The following ATP10B variants were observed in gnomAD, a reference collection of about 807,000 sequenced individuals.
ATP10B encodes the protein phospholipid-transporting ATPase VB.
In ATP10B, 122 loss-of-function variants were observed where a neutral mutation model predicts 141.2. The observed-to-expected ratio is 0.86, with a 90% CI of 0.75 to 1.00. The LOEUF is 1.00. Among genes scored for constraint, ATP10B ranks in the 50% least tolerant of loss-of-function variants. The pLI is 0.00. For missense variants in ATP10B, 1,876 were observed against 1,825.3 expected (o/e 1.03, Z -0.51); for synonymous variants, 685 against 692.0 (o/e 0.99, Z 0.16).
chr5:160,571,169 ATTTC>A (rs1050093150), intron 24 of ATP10B, among the ~76,000 whole-genome samples: 3 of 152,004 alleles, frequency 2.0e-5, no homozygotes, highest in Non-Finnish European at 4.4e-5. Flanking sequence ...TCCCTCTCTC[ATTTC>A]TTTCTGAGAC....
At chr5:160,879,531 TA>T in the ATP10B span, among the ~76,000 whole-genome samples, 2 of 124,276 alleles carry the variant, frequency 1.6e-5, no homozygotes, top group Non-Finnish European at 3.5e-5. Context: ...AAACTTAAAG[TA>T]AAATTAAAAA....
chr5:160,776,458 G>T (rs369743364), intron 2 of ATP10B, among the ~76,000 whole-genome samples: 3 of 152,180 alleles, frequency 2.0e-5, no homozygotes, highest in Non-Finnish European at 2.9e-5. Context: ...GGGCTACATT[G>T]TCTGATTTTT....
Position 160,766,043 on chromosome 5 carries a change from A to T in ATP10B, c.-331+19516T>A, listed in dbSNP as rs118167672. Among the ~76,000 whole-genome samples, 42 of 152,296 alleles carry T rather than the reference A, an allele frequency of 2.8e-4. No individual in the cohort carries two copies. The East Asian group carries it at 5.2e-3, about 19-fold the overall frequency. ...CCGGAAAGAATAGCCATCATTTAAA[A>T]ATAAAAAAAATAGATGTTGGCGTGG... On this transcript the variant is annotated intron_variant, in intron 2 of 25. Coordinates refer to ENST00000327245, the MANE Select transcript of ATP10B (RefSeq NM_025153.3).
chr5:160,667,205 A>G (rs1016685167), intron 7 of ATP10B, among the ~76,000 whole-genome samples: 1 of 152,106 alleles, frequency 6.6e-6, no homozygotes, highest in Non-Finnish European at 1.5e-5. Flanking sequence ...GCGACAGAGC[A>G]AGACTCTGTC....
chr5:160,651,315 T>C (rs553566010), intron 7 of ATP10B, among the ~76,000 whole-genome samples: 48 of 152,286 alleles, frequency 3.2e-4, no homozygotes, highest in African/African-American at 1.1e-3. Context: ...TAAGTATTTT[T>C]TTTAAAGGCA....
chr5:160,926,518 C>A, the ATP10B span, among the ~76,000 whole-genome samples: 1 of 152,180 alleles, frequency 6.6e-6, no homozygotes, highest in African/African-American at 2.4e-5. Flanking sequence ...CAGGAGCCAA[C>A]CTGAGGATCA....
intron 11 of ATP10B, among the ~76,000 whole-genome samples, chr5:160,635,945 A>G (rs1018685403): frequency 2.0e-5 from 3 of 152,184 alleles, no homozygotes; most frequent in Admixed American, 2.0e-4. Flanking sequence ...AAGCTAATAA[A>G]TATTTCCCTC....
chr5:160,881,487 A>G, the ATP10B span, among the ~76,000 whole-genome samples: 1 of 152,206 alleles, frequency 6.6e-6, no homozygotes, highest in Non-Finnish European at 1.5e-5. Context: ...AAAAACCGGC[A>G]CACAGATATT....
At chr5:160,920,529 A>G in the ATP10B span, among the ~76,000 whole-genome samples, 4 of 152,264 alleles carry the variant, frequency 2.6e-5, no homozygotes, top group Non-Finnish European at 1.5e-5. Context: ...GAAGAAGCAC[A>G]TGGAACTTAC....
At chr5:160,634,708 A>G (rs1581235371) in intron 11 of ATP10B, 102 bp from the exon 12 acceptor site, 1 of 1,261,752 alleles carries the variant, frequency 7.9e-7, no homozygotes, top group East Asian at 2.4e-5. Flanking sequence ...AGTTGAGGTC[A>G]GCTCACAGGA....
In ATP10B at chr5:160,840,344, G is replaced by A. The variant is rs550738313; in HGVS notation, c.-576+11597C>T. Among the ~76,000 whole-genome samples the A allele has an allele frequency of 5.3e-5, 8 of 151,990 alleles. No individual in the cohort carries two copies. The South Asian group carries it at 1.7e-3, about 32-fold the overall frequency. On this transcript the variant is annotated intron_variant, in intron 1 of 25. Transcript: ENST00000327245. ...GGTATAGTCCTATTAACACTGTAAA[G>A]ACTATAATTAAAATAGTGTGGTAGT...
chr5:160,767,883 A>C (rs1020108493), intron 2 of ATP10B, among the ~76,000 whole-genome samples: 1 of 152,116 alleles, frequency 6.6e-6, no homozygotes, highest in African/African-American at 2.4e-5. Flanking sequence ...ATATTCCCTT[A>C]AAGATGGGTG....
intron 2 of ATP10B, among the ~76,000 whole-genome samples, chr5:160,728,513 C>A (rs2127790261): frequency 1.3e-5 from 2 of 152,322 alleles, no homozygotes; most frequent in Admixed American, 1.3e-4. Context: ...ATAACACACC[C>A]ATGGCTCCAT....
At chr5:160,883,338 C>T in the ATP10B span, among the ~76,000 whole-genome samples, 1 of 152,088 alleles carries the variant, frequency 6.6e-6, no homozygotes, top group African/African-American at 2.4e-5. Flanking sequence ...CAAAAAAGAC[C>T]TGTGGTGAGG....
intron 1 of ATP10B, among the ~76,000 whole-genome samples, chr5:160,789,376 C>T (rs13184321): frequency 0.12 from 17,974 of 152,104 alleles, 1,134 homozygotes; most frequent in East Asian, 0.13. Flanking sequence ...GCCTACTCTA[C>T]GCCTAGGCTG....
the ATP10B span, among the ~76,000 whole-genome samples, chr5:160,857,581 A>T: frequency 6.6e-6 from 1 of 151,344 alleles, no homozygotes; most frequent in Non-Finnish European, 1.5e-5. Context: ...TTCTTTTTCT[A>T]TATTTCTGAG....
intron 7 of ATP10B, among the ~76,000 whole-genome samples, chr5:160,652,626 T>A (rs1760832526): frequency 7.2e-6 from 1 of 138,186 alleles, no homozygotes; most frequent in Admixed American, 7.9e-5. Flanking sequence ...ACCTGACGAA[T>A]TTTATATTTT....
Position 160,835,654 on chromosome 5 carries a change from T to C in ATP10B, c.-576+16287A>G, listed in dbSNP as rs377444838. Among the ~76,000 whole-genome samples, 122 of 152,278 alleles carry C rather than the reference T, an allele frequency of 8.0e-4. 3 individuals carry two copies. The South Asian group carries it at 0.024, about 29-fold the overall frequency. On this transcript the variant is annotated intron_variant, in intron 1 of 25. Transcript: ENST00000327245. Reference sequence around the variant, plus strand: ...TTTTCAACCAAAGAGACTTTTCCTTTTCCTGATTTCAAAATCTCTGTCAAG... The same window carrying C: ...TTTTCAACCAAAGAGACTTTTCCTTCTCCTGATTTCAAAATCTCTGTCAAG...
intron 6 of ATP10B, among the ~76,000 whole-genome samples, chr5:160,672,275 CT>C (rs1762759619): frequency 6.6e-6 from 1 of 152,158 alleles, no homozygotes; most frequent in South Asian, 2.1e-4. Flanking sequence ...CTGCTCCTGG[CT>C]GCATTGTATT....
Sources: gnomAD v4.1 joint callset for allele counts (sites outside exome capture counted in the v4.1 genomes callset) on GRCh38, gnomAD v4.1.1 for gene constraint, MANE v1.5 for transcripts, NCBI Gene and HGNC (gene_info 2026-07-23, HGNC 2026-07-21) for gene names.